Variants in ADAMTS9 observed in about 807,000 individuals in gnomAD.
ADAMTS9 encodes ADAM metallopeptidase with thrombospondin type 1 motif 9.
A neutral mutation model predicts 257.1 loss-of-function variants in ADAMTS9; 107 were observed. That is an observed-to-expected ratio of 0.42 (90% CI 0.36 to 0.49). The LOEUF (loss-of-function observed/expected upper bound fraction) is 0.49. Ranked by LOEUF, ADAMTS9 falls within the 20% of genes least tolerant of loss-of-function variation. ADAMTS9 has a pLI of 0.03. For missense variants in ADAMTS9, 2,353 were observed against 2,469.1 expected, an observed-to-expected ratio of 0.95 and a Z score of 1.00; for synonymous variants, 982 against 880.9, an observed-to-expected ratio of 1.11 and a Z score of -2.03.
intron 8 of ADAMTS9, 134 bp from the exon 9 acceptor site, chr3:64,651,297 A>G (rs1700926284): frequency 1.6e-6 from 1 of 641,728 alleles, no homozygotes; most frequent in Non-Finnish European, 2.5e-6. Context: ...AACCCTGGTA[A>G]GCAGAATAAA....
At chr3:64,529,787 C>T (rs2106885768) in intron 38 of ADAMTS9, among the ~76,000 whole-genome samples, 2 of 152,178 alleles carry the variant, frequency 1.3e-5, no homozygotes, top group African/African-American at 4.8e-5. Context: ...ATGTCAATTT[C>T]TGGCCTCTCC....
chr3:64,658,812 T>G (rs1265592744), intron 3 of ADAMTS9, 21 bp from the exon 4 acceptor site: 1 of 1,590,816 alleles, frequency 6.3e-7, no homozygotes, highest in Admixed American at 1.8e-5. Flanking sequence ...TCAGATGGTA[T>G]GCATTACATT....
intron 3 of ADAMTS9, among the ~76,000 whole-genome samples, chr3:64,673,088 T>C (rs2107021299): frequency 7.5e-6 from 1 of 132,616 alleles, no homozygotes; most frequent in East Asian, 2.1e-4. Flanking sequence ...AGGTGTGTGG[T>C]AGGCTATCCC....
chr3:64,616,090 T>C lies in ADAMTS9; in HGVS notation c.2894A>G (p.Tyr965Cys), dbSNP rs775205344. ...YRTLDIYCAK[Y>C]SRLDGKTEKV... ...CTCAGTCTTCCCATCCAGCCTGCTA[T>C]ATTTGGCACAGTAGATGTCCAATGT... is the stretch of plus-strand genomic sequence containing the variant. Residue 965 changes from tyrosine (Y) to cysteine (C), a missense_variant, in exon 20 of 40, where the codon TAT (tyrosine) becomes TGT (cysteine). Physicochemically the swap from Tyr to Cys is radical, Grantham distance 194. Transcript: ENST00000498707. 6.2e-7 allele frequency: 1 copy of C among 1,614,184 alleles called. No individual in the cohort carries two copies. The highest frequency in any genetic ancestry group is 8.5e-7 in the Non-Finnish European group (1 of 1,180,012).
intron 38 of ADAMTS9, among the ~76,000 whole-genome samples, chr3:64,532,156 T>C (rs2082990587): frequency 6.6e-6 from 1 of 152,184 alleles, no homozygotes; most frequent in Non-Finnish European, 1.5e-5. Context: ...GACACGCTCC[T>C]CAGTTTACAA....
chr3:64,525,022 C>T (rs1189221892), intron 38 of ADAMTS9, among the ~76,000 whole-genome samples: 1 of 152,164 alleles, frequency 6.6e-6, no homozygotes, highest in Admixed American at 6.5e-5. Flanking sequence ...ACCTTCCTGA[C>T]CTGGTTATCT....
rs1701052000 is a variant in ADAMTS9 at position 64,655,687 on chromosome 3, C to T, written c.1058G>A (p.Gly353Glu). ...CTGAGCATTAAAAGATATGGAAGGC[C>T]CATCCTAAATACAGAGAAGAATTAT... ...NLIVIHNEQD[G>E]PSISFNAQTT... Residue 353 changes from glycine (G) to glutamate (E), a missense_variant, in exon 6 of 40, where the codon GGG becomes GAG. Gly to Glu is a moderately conservative substitution (Grantham distance 98). Around this residue, in one of 3 missense-constraint regions of ADAMTS9, gnomAD observed 591 missense variants for 569.6 expected, o/e 1.04. Coordinates refer to ENST00000498707, the MANE Select transcript of ADAMTS9 (RefSeq NM_182920.2). The T allele has an allele frequency of 2.5e-6, 4 of 1,613,252 alleles. No individual in the cohort carries two copies. The highest frequency in any genetic ancestry group is 1.7e-4 in the Middle Eastern group (1 of 6,056).
At chr3:64,668,364 C>T (rs571456091) in intron 3 of ADAMTS9, among the ~76,000 whole-genome samples, 1 of 152,206 alleles carries the variant, frequency 6.6e-6, no homozygotes, top group South Asian at 2.1e-4. Flanking sequence ...TCCTGGTGAC[C>T]GTATAGGATG....
At chr3:64,651,252 G>C in intron 8 of ADAMTS9, 89 bp from the exon 9 acceptor site, 1 of 1,219,696 alleles carries the variant, frequency 8.2e-7, no homozygotes. Flanking sequence ...CTATCTAAGA[G>C]AAAAAAATTT....
intron 16 of ADAMTS9, among the ~76,000 whole-genome samples, chr3:64,626,208 G>C (rs1281546962): frequency 1.3e-5 from 2 of 152,150 alleles, no homozygotes; most frequent in Non-Finnish European, 2.9e-5. Context: ...CTATAAGGTA[G>C]TGTCTATTAT....
chr3:64,611,320 G>T (rs1369209703), intron 22 of ADAMTS9, among the ~76,000 whole-genome samples: 2 of 152,160 alleles, frequency 1.3e-5, no homozygotes, highest in Non-Finnish European at 2.9e-5. Flanking sequence ...GCCAAGTACT[G>T]ATACATGCTA....
At chr3:64,543,073 T>G (rs538655793) in intron 32 of ADAMTS9, among the ~76,000 whole-genome samples, 198 of 152,240 alleles carry the variant, frequency 1.3e-3, no homozygotes, top group African/African-American at 4.6e-3. Context: ...CAGAAAGAAG[T>G]TGAATCCCTG....
At chr3:64,524,554 A>T (rs2082887086) in intron 38 of ADAMTS9, among the ~76,000 whole-genome samples, 2 of 152,198 alleles carry the variant, frequency 1.3e-5, no homozygotes, top group South Asian at 4.1e-4. Flanking sequence ...TCCTCCCCCA[A>T]TATCCCATTC....
At chr3:64,571,497 G>A (rs1220269059) in intron 28 of ADAMTS9, among the ~76,000 whole-genome samples, 1 of 152,196 alleles carries the variant, frequency 6.6e-6, no homozygotes, top group Non-Finnish European at 1.5e-5. Flanking sequence ...GAATGAAGAT[G>A]AATGAAGTAG....
At position 64,631,857 on chromosome 3, in the gene ADAMTS9, A is replaced by G. The variant is rs1458125414; in HGVS notation, c.2244T>C (p.Asp748=). ...CTGCCACTGTTTTGCATGAAGAATT[A>G]TCGCCACCACAAACCCCACATTTAT... ...RRDKCGVCGG[D]NSSCKTVAGT... The change falls in exon 15 of 40, where the codon GAT becomes GAC. Residue 748 remains aspartate, a synonymous_variant. Transcript: ENST00000498707. The G allele has an allele frequency of 2.5e-6, 4 of 1,614,068 alleles. No homozygotes were observed. The highest frequency in any genetic ancestry group is 3.4e-6 in the Non-Finnish European group (4 of 1,179,940).
At chr3:64,518,067 C>T (rs17070896) in intron 39 of ADAMTS9, among the ~76,000 whole-genome samples, 1,557 of 152,300 alleles carry the variant, frequency 0.01, 57 homozygotes, top group East Asian at 0.067. Flanking sequence ...TTACTTGAAT[C>T]ATAAGTTGGA....
At chr3:64,567,573 T>C (rs2083575120) in intron 29 of ADAMTS9, among the ~76,000 whole-genome samples, 1 of 152,142 alleles carries the variant, frequency 6.6e-6, no homozygotes, top group Non-Finnish European at 1.5e-5. Flanking sequence ...TGTTTAGAGA[T>C]TAAACAGAAG....
At chr3:64,632,704 T>C (rs1700396929) in intron 14 of ADAMTS9, among the ~76,000 whole-genome samples, 1 of 152,170 alleles carries the variant, frequency 6.6e-6, no homozygotes, top group African/African-American at 2.4e-5. Flanking sequence ...CTCAATGTGT[T>C]GCTGTGAAAT....
chr3:64,521,818 T>C (rs7615885), intron 39 of ADAMTS9: 2,285 of 166,910 alleles, frequency 0.014, 45 homozygotes, highest in African/African-American at 0.052. Flanking sequence ...GGAAAACTAT[T>C]TATTGGATAC....
Sources: gnomAD v4.1 joint callset for allele counts (sites outside exome capture counted in the v4.1 genomes callset) on GRCh38, gnomAD v4.1.1 for gene constraint, gnomAD v4.1.1 regional missense constraint, MANE v1.5 for transcripts, NCBI Gene and HGNC (gene_info 2026-07-23, HGNC 2026-07-21) for gene names.